The following PALS2 variants were observed in gnomAD, a reference collection of about 807,000 sequenced individuals.
The protein encoded by PALS2 is protein PALS2.
A neutral mutation model predicts 61.6 loss-of-function variants in PALS2; 27 were observed. The ratio of observed to expected loss-of-function variants is 0.44; its 90% CI spans 0.32 to 0.60. PALS2 has a LOEUF of 0.60. Ranked by LOEUF, PALS2 falls within the 20% of genes least tolerant of loss-of-function variation. PALS2 has a pLI of 0.05. For missense variants in PALS2, 554 were observed against 639.4 expected (o/e 0.87, Z 1.44); for synonymous variants, 236 against 218.6 (o/e 1.08, Z -0.70).
At chr7:24,625,256 GTTGA>G (rs1333108891) in intron 2 of PALS2, among the ~76,000 whole-genome samples, 2 of 152,010 alleles carry the variant, frequency 1.3e-5, no homozygotes, top group African/African-American at 4.8e-5. Context: ...ATGTTTTTCT[GTTGA>G]TTGTCAGTTA....
At chr7:24,638,843 T>C (rs1785374598) in intron 2 of PALS2, among the ~76,000 whole-genome samples, 2 of 152,164 alleles carry the variant, frequency 1.3e-5, no homozygotes, top group Admixed American at 6.5e-5. Context: ...ATACACATAC[T>C]AAGGAATGGA....
intron 1 of PALS2, among the ~76,000 whole-genome samples, chr7:24,605,827 A>G (rs1235068464): frequency 6.6e-6 from 1 of 152,192 alleles, no homozygotes; most frequent in African/African-American, 2.4e-5. Flanking sequence ...TCAGCTATGT[A>G]TATGGAAAGT....
Position 24,692,058 on chromosome 7 carries a change from C to T in PALS2, c.*4444C>T, listed in dbSNP as rs912318975. On this transcript the variant is annotated 3_prime_UTR_variant, in exon 12 of 12. Transcript: ENST00000222644. ...TTTTTAAATTGCATTTTTGTTCTAA[C>T]GTTTTGCAATTTATATTCTTTTTAA... is the stretch of plus-strand genomic sequence containing the variant. 2.6e-5 allele frequency: 4 copies of T among 151,984 alleles called. No homozygotes were observed. The highest frequency in any genetic ancestry group is 9.7e-5 in the African/African-American group (4 of 41,402). 9.4% of individuals were successfully genotyped at this position (151,984 alleles called of 1,614,324 possible).
chr7:24,573,592 C>T lies in PALS2; in HGVS notation c.-4C>T, dbSNP rs1415446114. 2.1e-5 allele frequency: 8 copies of T among 373,086 alleles called. No individual in the cohort carries two copies. The highest frequency in any genetic ancestry group is 3.8e-5 in the Non-Finnish European group (8 of 210,322). The allele number at this position is 373,086 out of a possible 1,614,324, so 23.1% of individuals were successfully genotyped here. A position where few individuals can be genotyped will look rare whatever the true frequency, so the allele number is the denominator to read the frequency against. On this transcript the variant is annotated splice_region_variant and 5_prime_UTR_variant, in exon 1 of 12. Coordinates refer to ENST00000222644, the MANE Select transcript of PALS2 (RefSeq NM_001303037.2). The surrounding 1 kb of genome is among the most constrained non-coding windows in gnomAD (Gnocchi z 5.3). Reference sequence around the variant, plus strand: ...GCGCGGAGGCGGCTGAGGTGCGAGCCGGTGAGTTAACTGGACCCCCACGCC... The same window carrying T: ...GCGCGGAGGCGGCTGAGGTGCGAGCTGGTGAGTTAACTGGACCCCCACGCC...
At chr7:24,583,673 T>TA (rs1357384570) in intron 1 of PALS2, among the ~76,000 whole-genome samples, 16 of 148,500 alleles carry the variant, frequency 1.1e-4, no homozygotes, top group South Asian at 2.1e-4. Flanking sequence ...TTTTTTTTTT[T>TA]ATTATACTTT....
chr7:24,607,778 G>A (rs569484368), intron 1 of PALS2, among the ~76,000 whole-genome samples: 3 of 151,902 alleles, frequency 2.0e-5, no homozygotes, highest in Admixed American at 6.6e-5. Flanking sequence ...GAGGACAGAC[G>A]AGATAAATTT....
At chr7:24,638,336 T>C (rs1785347166) in intron 2 of PALS2, among the ~76,000 whole-genome samples, 1 of 12,624 alleles carries the variant, frequency 7.9e-5, no homozygotes, top group Admixed American at 6.2e-4. Context: ...TTTTTTTTTT[T>C]TTTTTTTTTT....
At chr7:24,633,997 G>A (rs1785125345) in intron 2 of PALS2, among the ~76,000 whole-genome samples, 1 of 152,116 alleles carries the variant, frequency 6.6e-6, no homozygotes, top group East Asian at 1.9e-4. Context: ...ATCTTTTCAT[G>A]TGCTTATTGA....
chr7:24,691,389 A>ATATG lies in PALS2; in HGVS notation c.*3776_*3777insATGT, dbSNP rs1554318902. On this transcript the variant is annotated 3_prime_UTR_variant, in exon 12 of 12. Transcript: ENST00000222644. ...ATGTTCGAGTTGCCATATATTATGT[A>ATATG]TGTGTGTGTGTGTGTGTATATATAT... 1 of 87,710 alleles carries ATATG rather than the reference A, an allele frequency of 1.1e-5. No homozygotes were observed. Among genetic ancestry groups the ATATG allele is most frequent in the African/African-American group, 4.5e-5 (1 of 22,368 alleles). The allele number at this position is 87,710 out of a possible 1,614,324, so 5.4% of individuals were successfully genotyped here.
intron 1 of PALS2, among the ~76,000 whole-genome samples, chr7:24,616,250 T>C (rs1315644913): frequency 6.6e-6 from 1 of 151,882 alleles, no homozygotes; most frequent in Non-Finnish European, 1.5e-5. Context: ...AAGGGAGAAA[T>C]CAAATTGTTA....
At position 24,573,641 on chromosome 7, in the gene PALS2, CGCCGGGCCG is replaced by C. The variant is rs998575520; in HGVS notation, c.-3+55_-3+63del. ...CCGCTCGGGTAACGGTCGCGCCGCG[CGCCGGGCCG>C]GCCGGGGGCGCCCTGTTGCTCGGCG... On this transcript the variant is annotated intron_variant, in intron 1 of 11. Transcript: ENST00000222644. This position sits in a 1 kb window ranked among gnomAD's most constrained non-coding sequence, Gnocchi z 5.3. 18 of 296,902 alleles carry C rather than the reference CGCCGGGCCG, an allele frequency of 6.1e-5. No homozygotes were observed. The highest frequency in any genetic ancestry group is 1.1e-4 in the Non-Finnish European group (17 of 161,478). The allele number at this position is 296,902 out of a possible 1,614,324, so 18.4% of individuals were successfully genotyped here.
chr7:24,672,142 A>C lies in PALS2; in HGVS notation c.1114+3482A>C, dbSNP rs114280037. 8.6e-3 allele frequency among the ~76,000 whole-genome samples: 1,293 copies of C among 151,008 alleles called. 17 individuals carry two copies. The highest frequency in any genetic ancestry group is 0.029 in the African/African-American group (1,206 of 41,276). The stretch of plus-strand genomic sequence containing the variant: ...CCTTTTCTGCAGCAATTGGAAGCTT[A>C]TCTTATAATTTATATAGAAATGCCA... On this transcript the variant is annotated intron_variant, in intron 9 of 11. Transcript: ENST00000222644.
intron 2 of PALS2, among the ~76,000 whole-genome samples, chr7:24,635,525 A>C (rs187733556): frequency 3.9e-5 from 6 of 152,198 alleles, no homozygotes; most frequent in Admixed American, 3.9e-4. Flanking sequence ...TTTTAACCTG[A>C]ATGGCTTTTT....
chr7:24,612,234 C>G (rs1784140784), intron 1 of PALS2, among the ~76,000 whole-genome samples: 1 of 151,880 alleles, frequency 6.6e-6, no homozygotes. Flanking sequence ...TTACTGAACC[C>G]TAGGCCCACT....
chr7:24,669,770 C>A (rs1787207034), intron 9 of PALS2, among the ~76,000 whole-genome samples: 1 of 152,096 alleles, frequency 6.6e-6, no homozygotes, highest in East Asian at 1.9e-4. Context: ...TACTTATAAT[C>A]CCTTCAGTGT....
chr7:24,685,647 G>GTTTTT (rs34096637), intron 11 of PALS2, among the ~76,000 whole-genome samples: 1 of 132,904 alleles, frequency 7.5e-6, no homozygotes, highest in Admixed American at 7.6e-5. Flanking sequence ...TGTTAACAGG[G>GTTTTT]TTTTTTTTTT....
chr7:24,640,503 A>G (rs997448384), intron 2 of PALS2, among the ~76,000 whole-genome samples: 5 of 152,170 alleles, frequency 3.3e-5, no homozygotes, highest in East Asian at 1.9e-4. Context: ...TTCTTTAGCA[A>G]TCCTTGAAAT....
chr7:24,679,118 C>T lies in PALS2; in HGVS notation c.1115-13C>T, dbSNP rs1191559101. On this transcript the variant is annotated splice_polypyrimidine_tract_variant and intron_variant, in intron 9 of 11. Coordinates refer to ENST00000222644, the MANE Select transcript of PALS2 (RefSeq NM_001303037.2). ...ATTTCTTTGTACAAAAATCTCAACA[C>T]TATTTTATTTAGTTACTTCACGGAA... The T allele has an allele frequency of 1.9e-6, 3 of 1,610,428 alleles. No individual in the cohort carries two copies. The highest frequency in any genetic ancestry group is 2.7e-5 in the African/African-American group (2 of 74,742).
intron 2 of PALS2, among the ~76,000 whole-genome samples, chr7:24,626,956 C>T (rs968050706): frequency 9.9e-5 from 15 of 152,042 alleles, no homozygotes; most frequent in Non-Finnish European, 2.1e-4. Context: ...TATTAGACAG[C>T]TCAACAAGAC....
Sources: gnomAD v4.1 joint callset for allele counts (sites outside exome capture counted in the v4.1 genomes callset) on GRCh38, gnomAD v4.1.1 for gene constraint, Gnocchi (gnomAD v3.1) non-coding constraint, MANE v1.5 for transcripts, NCBI Gene and HGNC (gene_info 2026-07-23, HGNC 2026-07-21) for gene names.